The following LRRC20 variants were observed in gnomAD, a reference collection of about 807,000 sequenced individuals.
LRRC20 encodes leucine-rich repeat-containing protein 20.
In LRRC20, 11 loss-of-function variants were observed where a neutral mutation model predicts 14.4. That is an observed-to-expected ratio of 0.77 (90% CI 0.48 to 1.27). The LOEUF (loss-of-function observed/expected upper bound fraction) is 1.27. Among genes scored for constraint, LRRC20 ranks in the 50% most tolerant of loss-of-function variants. LRRC20 has a pLI of 0.00. For synonymous variants in LRRC20, 121 were observed against 107.3 expected (o/e 1.13, Z -0.79); for missense variants, 219 against 251.2 (o/e 0.87, Z 0.87).
intron 4 of LRRC20, among the ~76,000 whole-genome samples, chr10:70,306,460 C>T (rs1286431260): frequency 6.6e-6 from 1 of 152,088 alleles, no homozygotes; most frequent in Non-Finnish European, 1.5e-5. Flanking sequence ...TGCCCCCTTC[C>T]CTTTTTAAAA....
chr10:70,309,909 T>TG (rs1841583243), intron 4 of LRRC20, among the ~76,000 whole-genome samples: 1 of 152,224 alleles, frequency 6.6e-6, no homozygotes, highest in Non-Finnish European at 1.5e-5. Context: ...CCAGGCCTAG[T>TG]GGGAGCGGCA....
chr10:70,338,950 T>G, intron 3 of LRRC20, among the ~76,000 whole-genome samples: 1 of 152,164 alleles, frequency 6.6e-6, no homozygotes, highest in South Asian at 2.1e-4. Flanking sequence ...CGTGAGCCAC[T>G]GCACCTGGCA....
chr10:70,345,041 T>C (rs1436948211), intron 2 of LRRC20, among the ~76,000 whole-genome samples: 1 of 152,122 alleles, frequency 6.6e-6, no homozygotes, highest in Admixed American at 6.6e-5. Context: ...AACTAAATGG[T>C]TTTAAAGTTC....
intron 3 of LRRC20, among the ~76,000 whole-genome samples, chr10:70,331,375 T>C (rs1186424605): frequency 6.6e-6 from 1 of 152,260 alleles, no homozygotes; most frequent in Non-Finnish European, 1.5e-5. Flanking sequence ...TGCTGATGCC[T>C]TGGCTTTCTT....
At chr10:70,376,659 C>T (rs1844521288) in intron 1 of LRRC20, 63 bp from the exon 2 acceptor site, 1 of 816,184 alleles carries the variant, frequency 1.2e-6, no homozygotes, top group African/African-American at 1.7e-5. Context: ...CAGGCATCCC[C>T]CTCCAGCATC....
intron 2 of LRRC20, among the ~76,000 whole-genome samples, chr10:70,365,111 G>C (rs934546434): frequency 1.4e-5 from 2 of 145,494 alleles, no homozygotes. Context: ...CCAGGCTGGA[G>C]TGCAGTGGCA....
rs1008543397 is a variant in LRRC20, at chr10:70,376,694, C to A, written c.-63-98G>T. On this transcript the variant is annotated intron_variant, in intron 1 of 4. Coordinates refer to ENST00000446961, the MANE Select transcript of LRRC20 (RefSeq NM_001278212.2). ...CCTTCTCCCCCAGGACCCAGGCTGT[C>A]AGGAAGCCTGCAGGGAGGGCCCCAG... is the stretch of plus-strand genomic sequence containing the variant. The A allele has an allele frequency of 3.9e-5, 26 of 659,568 alleles. No homozygotes were observed. In the African/African-American group the frequency reaches 4.5e-4, roughly 11 times the overall value. 40.9% of individuals were successfully genotyped at this position (659,568 alleles called of 1,614,324 possible).
intron 2 of LRRC20, among the ~76,000 whole-genome samples, chr10:70,366,631 G>A (rs899475240): frequency 1.3e-5 from 2 of 152,100 alleles, no homozygotes; most frequent in Admixed American, 1.3e-4. Context: ...AGCAATTGGA[G>A]CTCTCAATCT....
intron 1 of LRRC20, among the ~76,000 whole-genome samples, chr10:70,378,539 C>T (rs575194507): frequency 1.1e-4 from 16 of 151,354 alleles, no homozygotes; most frequent in African/African-American, 3.9e-4. Context: ...GTAATCCCAG[C>T]ACTTTGGAAG....
intron 3 of LRRC20, among the ~76,000 whole-genome samples, chr10:70,334,144 C>A (rs1365986193): frequency 7.1e-6 from 1 of 141,354 alleles, no homozygotes; most frequent in East Asian, 1.9e-4. Flanking sequence ...AGCGAGACTC[C>A]ATCTTAAAAA....
At chr10:70,330,759 A>G (rs914183028) in intron 3 of LRRC20, among the ~76,000 whole-genome samples, 11 of 152,196 alleles carry the variant, frequency 7.2e-5, no homozygotes, top group African/African-American at 2.2e-4. Flanking sequence ...GCCACGGCCC[A>G]GCAGGGTCTC....
intron 4 of LRRC20, among the ~76,000 whole-genome samples, chr10:70,314,939 C>A (rs1841802169): frequency 6.6e-6 from 1 of 152,084 alleles, no homozygotes; most frequent in African/African-American, 2.4e-5. Flanking sequence ...GAGCTATGGG[C>A]AAAAATCTCT....
chr10:70,340,255 C>T (rs2137016959), intron 3 of LRRC20, among the ~76,000 whole-genome samples: 1 of 152,286 alleles, frequency 6.6e-6, no homozygotes, highest in East Asian at 1.9e-4. Flanking sequence ...GAAATAACAA[C>T]TCCCAGGGCC....
chr10:70,370,674 T>G (rs1589127458), intron 2 of LRRC20, among the ~76,000 whole-genome samples: 1 of 151,090 alleles, frequency 6.6e-6, no homozygotes, highest in South Asian at 2.1e-4. Context: ...ACCCAGGAGG[T>G]GGAGGTTACA....
At chr10:70,356,318 C>T (rs1191052436) in intron 2 of LRRC20, among the ~76,000 whole-genome samples, 1 of 151,946 alleles carries the variant, frequency 6.6e-6, no homozygotes, top group Non-Finnish European at 1.5e-5. Flanking sequence ...TCAAGACCAT[C>T]CTGGGCAACA....
chr10:70,303,316 A>T (rs1250996989), intron 4 of LRRC20, among the ~76,000 whole-genome samples: 1 of 152,176 alleles, frequency 6.6e-6, no homozygotes, highest in Non-Finnish European at 1.5e-5. Context: ...AGAAGCAGAC[A>T]TGACTATCTT....
chr10:70,305,067 C>T lies in LRRC20; in HGVS notation c.401-3559G>A, dbSNP rs534719504. ...GGTGTGGTGGCACATGCCTGTAATC[C>T]CAGCTACTTGGGAGGCTGAGGCAGG... On this transcript the variant is annotated intron_variant, in intron 4 of 4. Coordinates refer to ENST00000446961, the MANE Select transcript of LRRC20 (RefSeq NM_001278212.2). Among the ~76,000 whole-genome samples the T allele has an allele frequency of 2.2e-4, 33 of 152,174 alleles. No individual in the cohort carries two copies. The South Asian group carries it at 6.4e-3, about 30-fold the overall frequency.
At chr10:70,340,117 T>C (rs1306364306) in intron 3 of LRRC20, among the ~76,000 whole-genome samples, 1 of 145,430 alleles carries the variant, frequency 6.9e-6, no homozygotes, top group African/African-American at 2.6e-5. Flanking sequence ...CAAGATTCCA[T>C]CTCAAAAAAA....
At chr10:70,368,322 T>A (rs1269465758) in intron 2 of LRRC20, among the ~76,000 whole-genome samples, 1 of 151,520 alleles carries the variant, frequency 6.6e-6, no homozygotes, top group African/African-American at 2.4e-5. Context: ...CACGCCCGGC[T>A]AATTTTTTGT....
Sources: allele counts gnomAD v4.1 joint callset (sites outside exome capture counted in the v4.1 genomes callset), GRCh38; gene constraint gnomAD v4.1.1; transcripts MANE v1.5; gene names NCBI Gene and HGNC (gene_info 2026-07-23, HGNC 2026-07-21).